Variants in LRP1B observed in about 807,000 individuals in gnomAD.
The protein encoded by LRP1B is low-density lipoprotein receptor-related protein 1B.
Under a neutral mutation model 556.6 loss-of-function variants are expected in LRP1B, and 217 were observed. That is an observed-to-expected ratio of 0.39 (90% CI 0.35 to 0.44). The LOEUF (loss-of-function observed/expected upper bound fraction) is 0.44, where lower values mean the gene tolerates loss of function less well. LRP1B is among the 20% of genes least tolerant of loss of function. The pLI is 1.00. For missense variants in LRP1B, 5,053 were observed against 5,620.8 expected, an observed-to-expected ratio of 0.90 and a Z score of 3.23; for synonymous variants, 2,047 against 1,865.8, an observed-to-expected ratio of 1.10 and a Z score of -2.50.
intron 66 of LRP1B, among the ~76,000 whole-genome samples, chr2:140,432,580 A>C (rs1012915574): frequency 6.6e-6 from 1 of 152,206 alleles, no homozygotes; most frequent in African/African-American, 2.4e-5. Context: ...CACACTGAGA[A>C]ACTGGACAGT....
At chr2:141,081,828 G>A (rs752309660) in intron 7 of LRP1B, among the ~76,000 whole-genome samples, 3 of 152,034 alleles carry the variant, frequency 2.0e-5, no homozygotes, top group Admixed American at 1.3e-4. Context: ...GCTGAGAAAC[G>A]TCCAACTCTG....
chr2:140,982,088 A>G, intron 18 of LRP1B, 72 bp downstream of exon 18: 1 of 1,190,688 alleles, frequency 8.4e-7, no homozygotes, highest in Non-Finnish European at 1.2e-6. Flanking sequence ...ATAGCCCTTT[A>G]AGGAGGGTGT....
At chr2:140,470,635 A>C (rs1043062408) in intron 60 of LRP1B, among the ~76,000 whole-genome samples, 1 of 99,676 alleles carries the variant, frequency 1.0e-5, no homozygotes, top group Admixed American at 1.6e-4. Context: ...AAAGAGGGAG[A>C]CTCTGTCTCA....
chr2:141,287,818 T>C (rs1457555835), intron 3 of LRP1B, among the ~76,000 whole-genome samples: 1 of 152,204 alleles, frequency 6.6e-6, no homozygotes, highest in East Asian at 1.9e-4. Flanking sequence ...TCGCATGTTT[T>C]TGGTCTACTT....
intron 3 of LRP1B, among the ~76,000 whole-genome samples, chr2:141,267,540 C>T (rs990375954): frequency 2.6e-5 from 4 of 152,080 alleles, no homozygotes; most frequent in African/African-American, 9.7e-5. Flanking sequence ...TAGAGTTTTG[C>T]ATTTGATTTT....
At chr2:140,269,132 T>C (rs1682342534) in intron 86 of LRP1B, 1 of 379,592 alleles carries the variant, frequency 2.6e-6, no homozygotes, top group Non-Finnish European at 5.4e-6. Context: ...AAAGGTTAAG[T>C]GTGTATGACA....
chr2:141,154,326 A>G (rs1470519148), intron 7 of LRP1B, among the ~76,000 whole-genome samples: 1 of 151,900 alleles, frequency 6.6e-6, no homozygotes, highest in Non-Finnish European at 1.5e-5. Flanking sequence ...AGTGGAACAC[A>G]CTTTTAAATA....
chr2:140,847,177 G>GA (rs879758915), intron 29 of LRP1B, among the ~76,000 whole-genome samples: 4 of 152,092 alleles, frequency 2.6e-5, no homozygotes, highest in Non-Finnish European at 4.4e-5. Context: ...CAACTAATCT[G>GA]TCTCTCAGAG....
At chr2:141,890,593 C>A (rs1289269640) in intron 1 of LRP1B, among the ~76,000 whole-genome samples, 1 of 151,736 alleles carries the variant, frequency 6.6e-6, no homozygotes, top group African/African-American at 2.4e-5. Context: ...AACCATGACT[C>A]TTTTTCATGA....
At chr2:140,818,661 A>G (rs1036392918) in intron 31 of LRP1B, among the ~76,000 whole-genome samples, 1 of 152,038 alleles carries the variant, frequency 6.6e-6, no homozygotes, top group Non-Finnish European at 1.5e-5. Context: ...CTGGCTGGGC[A>G]CTGTGGCTCA....
intron 1 of LRP1B, among the ~76,000 whole-genome samples, chr2:142,056,015 G>A (rs1704654605): frequency 6.6e-6 from 1 of 152,050 alleles, no homozygotes; most frequent in Admixed American, 6.6e-5. Context: ...GCTGGGCGTG[G>A]TATCGCATGC....
chr2:142,102,231 G>A (rs966120442), intron 1 of LRP1B, among the ~76,000 whole-genome samples: 2 of 151,840 alleles, frequency 1.3e-5, no homozygotes, highest in African/African-American at 2.4e-5. Flanking sequence ...GCATGTTACA[G>A]CCACATGCAT....
chr2:140,912,872 A>G (rs1356952788), intron 21 of LRP1B, among the ~76,000 whole-genome samples: 1 of 151,856 alleles, frequency 6.6e-6, no homozygotes, highest in Admixed American at 6.6e-5. Context: ...AATCTCTTCT[A>G]GAGTTTCTCT....
intron 2 of LRP1B, among the ~76,000 whole-genome samples, chr2:141,622,491 C>A (rs1468522871): frequency 6.6e-6 from 1 of 152,174 alleles, no homozygotes; most frequent in Admixed American, 6.5e-5. Flanking sequence ...TGGGTTTCTG[C>A]TACATACCTT....
Position 140,526,219 on chromosome 2 carries a change from G to T in LRP1B, c.7876+18C>A, listed in dbSNP as rs768919323. On this transcript the variant is annotated intron_variant, in intron 48 of 90. Coordinates refer to ENST00000389484, the MANE Select transcript of LRP1B (RefSeq NM_018557.3). ...AGTGCCCAAGCATAAACAGACAAAA[G>T]GTAGTGGAATATCTTACTGCAGTTC... 1 of 1,598,754 alleles carries T rather than the reference G, an allele frequency of 6.3e-7. No individual in the cohort carries two copies. The highest frequency in any genetic ancestry group is 1.7e-5 in the Admixed American group (1 of 59,684).
intron 23 of LRP1B, among the ~76,000 whole-genome samples, chr2:140,892,769 T>C (rs908937319): frequency 1.3e-5 from 2 of 152,108 alleles, no homozygotes; most frequent in African/African-American, 4.8e-5. Flanking sequence ...AGTGTATTGA[T>C]ATGGTAGAAT....
At position 140,728,439 on chromosome 2, in the gene LRP1B, A is replaced by G. The variant is rs188559628; in HGVS notation, c.5759-11623T>C. On this transcript the variant is annotated intron_variant, in intron 35 of 90. Coordinates refer to ENST00000389484, the MANE Select transcript of LRP1B (RefSeq NM_018557.3). ...AAATTTTTTTATTTTATTTTGTTTT[A>G]GCTTCACAAAGGTAAGCTGCAAAAT... Among the ~76,000 whole-genome samples the G allele has an allele frequency of 5.3e-5, 8 of 152,296 alleles. No homozygotes were observed. The East Asian group carries it at 1.5e-3, about 29-fold the overall frequency.
chr2:141,335,675 C>A (rs1282070080), intron 3 of LRP1B, among the ~76,000 whole-genome samples: 1 of 152,020 alleles, frequency 6.6e-6, no homozygotes, highest in African/African-American at 2.4e-5. Context: ...ATTACAAATA[C>A]TTTCAGACAA....
chr2:141,416,637 G>C (rs1691118063), intron 3 of LRP1B, among the ~76,000 whole-genome samples: 1 of 151,726 alleles, frequency 6.6e-6, no homozygotes, highest in South Asian at 2.1e-4. Context: ...GTTATTTTTA[G>C]AGAGATGGGT....
Sources: gnomAD v4.1 joint callset for allele counts (sites outside exome capture counted in the v4.1 genomes callset) on GRCh38, gnomAD v4.1.1 for gene constraint, MANE v1.5 for transcripts, NCBI Gene and HGNC (gene_info 2026-07-23, HGNC 2026-07-21) for gene names.